CUX1: variants seen among roughly 807,000 people sequenced by gnomAD.
The protein encoded by CUX1 is protein CASP.
CUX1 carries 31 observed loss-of-function variants against 158.8 expected under a neutral mutation model. The ratio of observed to expected loss-of-function variants is 0.20; its 90% CI spans 0.15 to 0.26. The LOEUF (loss-of-function observed/expected upper bound fraction) is 0.26, where lower values mean the gene tolerates loss of function less well. Ranked by LOEUF, CUX1 falls within the 10% of genes least tolerant of loss-of-function variation. CUX1 has a pLI of 1.00. For synonymous variants in CUX1, 879 were observed against 862.1 expected (o/e 1.02, Z -0.34); for missense variants, 1,589 against 2,014.6 (o/e 0.79, Z 4.04).
chr7:102,237,039 G>A, intron 22 of CUX1, among the ~76,000 whole-genome samples: 1 of 152,136 alleles, frequency 6.6e-6, no homozygotes, highest in East Asian at 1.9e-4. Context: ...CCAGCCCCTG[G>A]TCAGTCGTCT....
intron 7 of CUX1, 43 bp downstream of exon 7, chr7:102,111,817 C>T (rs1554490199): frequency 1.3e-6 from 2 of 1,578,176 alleles, no homozygotes; most frequent in Admixed American, 3.4e-5. Flanking sequence ...TGGGGAGGAC[C>T]CAGGGGGAGA....
intron 9 of CUX1, among the ~76,000 whole-genome samples, chr7:102,169,173 T>A (rs905401062): frequency 6.6e-6 from 1 of 152,112 alleles, no homozygotes; most frequent in Non-Finnish European, 1.5e-5. Context: ...CCTCAGGTGA[T>A]CTGCCCACTT....
intron 1 of CUX1, among the ~76,000 whole-genome samples, chr7:101,887,118 C>T (rs1030807572): frequency 6.6e-6 from 1 of 152,122 alleles, no homozygotes; most frequent in African/African-American, 2.4e-5. Flanking sequence ...CCTGGGCTGG[C>T]AGGGACAGTT....
chr7:101,830,043 T>C (rs1793806026), intron 1 of CUX1, among the ~76,000 whole-genome samples: 1 of 152,188 alleles, frequency 6.6e-6, no homozygotes, highest in Non-Finnish European at 1.5e-5. Flanking sequence ...AGATGGGGTG[T>C]CTCTTTACAA....
intron 2 of CUX1, among the ~76,000 whole-genome samples, chr7:101,931,607 C>T (rs1271298571): frequency 1.3e-5 from 2 of 152,270 alleles, no homozygotes; most frequent in East Asian, 3.9e-4. Flanking sequence ...ACTCTGTCGC[C>T]CAGGCTGGAG....
At chr7:102,092,912 CAAAAA>C (rs60587564) in intron 4 of CUX1, among the ~76,000 whole-genome samples, 5 of 74,924 alleles carry the variant, frequency 6.7e-5, no homozygotes, top group African/African-American at 9.7e-5. Context: ...GACTCCGTCT[CAAAAA>C]AAAAAAAAAA....
chr7:101,833,638 G>A (rs1420110439), intron 1 of CUX1, among the ~76,000 whole-genome samples: 6 of 151,638 alleles, frequency 4.0e-5, no homozygotes, highest in Admixed American at 1.3e-4. Context: ...AGTCACCTCG[G>A]GGCGTGGGAG....
At chr7:101,956,437 G>T (rs555077115) in intron 2 of CUX1, among the ~76,000 whole-genome samples, 18 of 152,142 alleles carry the variant, frequency 1.2e-4, no homozygotes, top group African/African-American at 4.1e-4. Context: ...AGGATATGTA[G>T]TTCATGACTT....
At chr7:101,951,059 G>A (rs900046754) in intron 2 of CUX1, among the ~76,000 whole-genome samples, 1 of 152,108 alleles carries the variant, frequency 6.6e-6, no homozygotes, top group Non-Finnish European at 1.5e-5. Context: ...AGGCTGGTGC[G>A]GTGGCTCAAC....
At chr7:101,938,939 G>A (rs1238410910) in intron 2 of CUX1, among the ~76,000 whole-genome samples, 3 of 150,960 alleles carry the variant, frequency 2.0e-5, no homozygotes, top group Admixed American at 6.6e-5. Context: ...TACTTGGGAG[G>A]CTGAGGCAGG....
intron 2 of CUX1, among the ~76,000 whole-genome samples, chr7:101,921,984 G>GGT (rs939528773): frequency 9.2e-5 from 14 of 152,012 alleles, no homozygotes; most frequent in African/African-American, 2.9e-4. Flanking sequence ...CCAGGATGGT[G>GGT]GTGTACACTT....
chr7:102,101,857 G>A (rs533863856), intron 5 of CUX1, among the ~76,000 whole-genome samples: 1 of 151,866 alleles, frequency 6.6e-6, no homozygotes, highest in Admixed American at 6.6e-5. Context: ...GGTTGCAGTG[G>A]GCCGAGATTG....
chr7:101,876,364 A>G (rs1392695394), intron 1 of CUX1, among the ~76,000 whole-genome samples: 6 of 150,250 alleles, frequency 4.0e-5, no homozygotes, highest in African/African-American at 1.5e-4. Flanking sequence ...CTGATTTGCA[A>G]CAATTTTGTG....
intron 2 of CUX1, among the ~76,000 whole-genome samples, chr7:101,996,844 C>T (rs1449568458): frequency 2.6e-5 from 4 of 152,054 alleles, no homozygotes; most frequent in African/African-American, 4.8e-5. Flanking sequence ...CTGCCGCATA[C>T]ATACCCTTCC....
At chr7:102,054,368 T>C (rs986631879) in intron 3 of CUX1, among the ~76,000 whole-genome samples, 1 of 152,214 alleles carries the variant, frequency 6.6e-6, no homozygotes, top group Non-Finnish European at 1.5e-5. Flanking sequence ...CTTTGCTCTT[T>C]TGCATGTGGA....
chr7:102,167,179 A>C (rs1188194448), intron 9 of CUX1, among the ~76,000 whole-genome samples: 1 of 151,884 alleles, frequency 6.6e-6, no homozygotes, highest in Non-Finnish European at 1.5e-5. Context: ...GAGGTGGGAG[A>C]ATCACTTCAT....
chr7:101,848,936 G>T (rs1256548031), intron 1 of CUX1, among the ~76,000 whole-genome samples: 2 of 150,212 alleles, frequency 1.3e-5, no homozygotes, highest in African/African-American at 2.5e-5. Context: ...TGACTGTCTG[G>T]AGAGCTTGGG....
At chr7:102,045,227 T>C (rs1281003925) in intron 3 of CUX1, among the ~76,000 whole-genome samples, 1 of 152,250 alleles carries the variant, frequency 6.6e-6, no homozygotes, top group Admixed American at 6.5e-5. Context: ...GTTCTGCTCA[T>C]GCAGAAAGGG....
At chr7:101,979,365 A>G (rs1813121942) in intron 2 of CUX1, among the ~76,000 whole-genome samples, 1 of 152,396 alleles carries the variant, frequency 6.6e-6, no homozygotes, top group Non-Finnish European at 1.5e-5. Flanking sequence ...AAAATGTTGA[A>G]TTGTTGGCAA....
Sources: allele counts gnomAD v4.1 joint callset (sites outside exome capture counted in the v4.1 genomes callset), GRCh38; gene constraint gnomAD v4.1.1; transcripts MANE v1.5; gene names NCBI Gene and HGNC (gene_info 2026-07-23, HGNC 2026-07-21).